The following IL21R variants were observed in gnomAD, a reference collection of about 807,000 sequenced individuals.
IL21R encodes the protein interleukin-21 receptor.
In IL21R, 14 loss-of-function variants were observed where a neutral mutation model predicts 41.3. The observed-to-expected ratio is 0.34, with a 90% confidence interval of 0.22 to 0.53. The LOEUF is 0.53. Among genes scored for constraint, IL21R ranks in the 20% least tolerant of loss-of-function variants. The probability of loss-of-function intolerance (pLI) is 0.94; values close to 1 mark genes in which losing one functional copy is unlikely to be tolerated. For missense variants in IL21R, 588 were observed against 681.6 expected, an observed-to-expected ratio of 0.86 and a Z score of 1.53; for synonymous variants, 286 against 287.6, an observed-to-expected ratio of 0.99 and a Z score of 0.05.
chr16:27,438,376 G>T (rs944605686), intron 4 of IL21R, among the ~76,000 whole-genome samples: 7 of 152,148 alleles, frequency 4.6e-5, no homozygotes, highest in African/African-American at 7.2e-5. Context: ...GTAGAGGGGG[G>T]TCCCAGGGGC....
chr16:27,445,064 C>T (rs984980528), intron 6 of IL21R, 113 bp from the exon 7 acceptor site: 2 of 726,062 alleles, frequency 2.8e-6, no homozygotes, highest in African/African-American at 1.7e-5. Flanking sequence ...CTAGCAGTAA[C>T]AGCCTCTCCT....
At chr16:27,404,813 T>C (rs555959915) in intron 1 of IL21R, among the ~76,000 whole-genome samples, 1 of 152,298 alleles carries the variant, frequency 6.6e-6, no homozygotes, top group South Asian at 2.1e-4. Context: ...GCTCAGTTGC[T>C]GCATCTGTAA....
rs746751826 is a variant in IL21R, at chr16:27,443,025, G to A, written c.416G>A (p.Arg139His). 16 of 1,613,624 alleles carry A rather than the reference G, an allele frequency of 9.9e-6. No individual in the cohort carries two copies. Among genetic ancestry groups the A allele is most frequent in the South Asian group, 1.1e-5 (1 of 91,044 alleles). ...TFSGQYNISW[R>H]SDYEDPAFYM... ...TCAGGACAGTATAATATCTCCTGGC[G>A]CTCAGATTACGAAGACCCTGCCTTC... Residue 139 changes from arginine (R) to histidine (H), a missense_variant, in exon 5 of 9, where the codon CGC (arginine) becomes CAC (histidine). Arg to His is a conservative substitution (Grantham distance 29, BLOSUM62 0). Coordinates refer to ENST00000337929, the MANE Select transcript of IL21R (RefSeq NM_181078.3).
chr16:27,406,332 G>A (rs1022751398), intron 1 of IL21R, among the ~76,000 whole-genome samples: 15 of 152,220 alleles, frequency 9.9e-5, no homozygotes, highest in African/African-American at 3.4e-4. Flanking sequence ...AGATTGCAAG[G>A]TTTGGGCAAG....
At chr16:27,418,454 C>T (rs886223829) in intron 1 of IL21R, among the ~76,000 whole-genome samples, 8 of 152,062 alleles carry the variant, frequency 5.3e-5, no homozygotes, top group East Asian at 1.9e-4. Flanking sequence ...CTGCAACCTC[C>T]GCCTCCCAGG....
chr16:27,408,796 G>A (rs1198845436), intron 1 of IL21R, among the ~76,000 whole-genome samples: 1 of 152,060 alleles, frequency 6.6e-6, no homozygotes, highest in Non-Finnish European at 1.5e-5. Flanking sequence ...TTCACTTTCA[G>A]CCCCATGTCC....
At chr16:27,405,086 G>A (rs1463366472) in intron 1 of IL21R, among the ~76,000 whole-genome samples, 1 of 151,246 alleles carries the variant, frequency 6.6e-6, no homozygotes, top group Non-Finnish European at 1.5e-5. Context: ...AGGCTGGAGT[G>A]CGGTGGCGCA....
chr16:27,447,637 G>A (rs1226036770), intron 8 of IL21R: 6 of 152,238 alleles, frequency 3.9e-5, no homozygotes, highest in Non-Finnish European at 8.8e-5. Flanking sequence ...GCCTTTCCAA[G>A]TGGCTTTTCA....
chr16:27,418,869 T>G (rs1298906176), intron 1 of IL21R, among the ~76,000 whole-genome samples: 3 of 147,100 alleles, frequency 2.0e-5, no homozygotes, highest in African/African-American at 7.4e-5. Context: ...TATATTATAT[T>G]TTAAAATTTT....
chr16:27,403,021 C>T (rs2086683643), intron 1 of IL21R: 1 of 440,154 alleles, frequency 2.3e-6, no homozygotes, highest in African/African-American at 2.0e-5. Flanking sequence ...GTTTCTATGT[C>T]TTACCACCTT....
intron 3 of IL21R, among the ~76,000 whole-genome samples, chr16:27,434,727 A>T (rs1225172365): frequency 6.6e-6 from 1 of 152,020 alleles, no homozygotes; most frequent in Non-Finnish European, 1.5e-5. Flanking sequence ...CAGGCCCCCA[A>T]CTACACGCTT....
intron 1 of IL21R, among the ~76,000 whole-genome samples, chr16:27,412,178 A>G (rs539010864): frequency 9.9e-5 from 15 of 152,140 alleles, no homozygotes; most frequent in Non-Finnish European, 2.1e-4. Context: ...TTCCAGCACT[A>G]TCTCCTTGAA....
At position 27,450,170 on chromosome 16, in the gene IL21R, T is replaced by G. The variant is rs1277123886; in HGVS notation, c.*887T>G. The G allele has an allele frequency of 4.3e-6, 1 of 232,958 alleles. No individual in the cohort carries two copies. 14.4% of individuals were successfully genotyped at this position (232,958 alleles called of 1,614,324 possible). On this transcript the variant is annotated 3_prime_UTR_variant, in exon 9 of 9. Coordinates refer to ENST00000337929, the MANE Select transcript of IL21R (RefSeq NM_181078.3). Reference sequence around the variant, plus strand: ...GGCCGTCCCGCCTGCAGAGGGCCACTCGGGGGGGTTTCCAGGCTTAAAATC... The same window carrying G: ...GGCCGTCCCGCCTGCAGAGGGCCACGCGGGGGGGTTTCCAGGCTTAAAATC...
intron 4 of IL21R, among the ~76,000 whole-genome samples, chr16:27,441,007 C>T (rs369375977): frequency 3.5e-4 from 49 of 138,488 alleles, no homozygotes; most frequent in African/African-American, 4.4e-4. Context: ...GCTGAGATCA[C>T]GCCACTGCAC....
At chr16:27,412,953 AC>A (rs1424816301) in intron 1 of IL21R, among the ~76,000 whole-genome samples, 1 of 152,074 alleles carries the variant, frequency 6.6e-6, no homozygotes, top group East Asian at 1.9e-4. Flanking sequence ...CAATTTAGAT[AC>A]CTTTTATTTC....
rs1292600177 is a variant in IL21R at position 27,448,544 on chromosome 16, G to A, written c.878G>A (p.Gly293Asp). ...GCSGDFKKWV[G>D]APFTGSSLEL... ...TTTTCTCTCTCACAGAAATGGGTGG[G>A]TGCACCCTTCACTGGCTCCAGCCTG... is the stretch of plus-strand genomic sequence containing the variant. Residue 293 changes from glycine (G) to aspartate (D), a missense_variant, in exon 9 of 9, where the codon GGT becomes GAT. Gly to Asp is a moderately conservative substitution (Grantham distance 94). Transcript: ENST00000337929. 6.2e-7 allele frequency: 1 copy of A among 1,604,824 alleles called. No individual in the cohort carries two copies. Among genetic ancestry groups the A allele is most frequent in the East Asian group, 2.2e-5 (1 of 44,786 alleles).
At chr16:27,433,106 A>G (rs1195739300) in intron 2 of IL21R, among the ~76,000 whole-genome samples, 1 of 152,118 alleles carries the variant, frequency 6.6e-6, no homozygotes, top group East Asian at 1.9e-4. Flanking sequence ...ATCTACCACC[A>G]CCACCTCAGG....
At position 27,430,076 on chromosome 16, in the gene IL21R, C is replaced by T. The variant is rs767011874; in HGVS notation, c.5C>T (p.Pro2Leu). 1.3e-5 allele frequency: 21 copies of T among 1,606,370 alleles called. No individual in the cohort carries two copies. The highest frequency in any genetic ancestry group is 6.6e-5 in the South Asian group (6 of 90,994). M[P>L]RGWAAPLLLL... Reference sequence around the variant, plus strand: ...TGCAGGCCCGTGGGAGTCAGCATGCCGCGTGGCTGGGCCGCCCCCTTGCTC... The same window carrying T: ...TGCAGGCCCGTGGGAGTCAGCATGCTGCGTGGCTGGGCCGCCCCCTTGCTC... The change falls in exon 2 of 9, where the codon CCG becomes CTG. Residue 2 changes from proline (P) to leucine (L), a missense_variant. Coordinates refer to ENST00000337929, the MANE Select transcript of IL21R (RefSeq NM_181078.3).
chr16:27,438,284 A>G (rs1432863487), intron 4 of IL21R, among the ~76,000 whole-genome samples: 2 of 151,622 alleles, frequency 1.3e-5, no homozygotes, highest in Non-Finnish European at 1.5e-5. Context: ...GACGACACTG[A>G]GTTACAGAAA....
Sources: gnomAD v4.1 joint callset for allele counts (sites outside exome capture counted in the v4.1 genomes callset) on GRCh38, gnomAD v4.1.1 for gene constraint, MANE v1.5 for transcripts, NCBI Gene and HGNC (gene_info 2026-07-23, HGNC 2026-07-21) for gene names.